Variants in RIOK2 observed in about 807,000 individuals in gnomAD.
RIOK2 encodes the protein RIO kinase 2.
A neutral mutation model predicts 62.4 loss-of-function variants in RIOK2; 46 were observed. That is an observed-to-expected ratio of 0.74 (90% CI 0.58 to 0.94). RIOK2 has a LOEUF of 0.94. RIOK2 is among the 40% of genes least tolerant of loss of function. The pLI is 0.00. For synonymous variants in RIOK2, 197 were observed against 216.0 expected, an observed-to-expected ratio of 0.91 and a Z score of 0.77; for missense variants, 574 against 658.0, an observed-to-expected ratio of 0.87 and a Z score of 1.40.
chr5:97,166,757 AAG>A (rs1191451757), intron 8 of RIOK2: 19 of 986,116 alleles, frequency 1.9e-5, no homozygotes, highest in Non-Finnish European at 1.9e-5. Flanking sequence ...TTCATATAGA[AAG>A]TACATTTATT....
chr5:97,163,419 G>A (rs1243989241), intron 9 of RIOK2, among the ~76,000 whole-genome samples, 194 bp from the exon 10 acceptor site: 1 of 152,120 alleles, frequency 6.6e-6, no homozygotes. Flanking sequence ...AAAATATAGT[G>A]TATAGGCAGA....
intron 2 of RIOK2, 76 bp downstream of exon 2, chr5:97,178,979 T>G: frequency 2.6e-6 from 4 of 1,560,332 alleles, no homozygotes; most frequent in Non-Finnish European, 3.5e-6. Context: ...AACTTCTACT[T>G]CTTGACTTTT....
In RIOK2 at chr5:97,166,452, C is replaced by G. The variant is rs1425783778; in HGVS notation, c.1397+1015G>C. ...GATAAAGGTAGGCTTAAGATATAAGCCCAAACATGTACTGAAAAATGTTTA... is the reference window on the plus strand; with the variant it reads ...GATAAAGGTAGGCTTAAGATATAAGGCCAAACATGTACTGAAAAATGTTTA... On this transcript the variant is annotated intron_variant, in intron 8 of 9. Coordinates refer to ENST00000283109, the MANE Select transcript of RIOK2 (RefSeq NM_018343.3). 4 of 284,104 alleles carry G rather than the reference C, an allele frequency of 1.4e-5. No individual in the cohort carries two copies. In the East Asian group the frequency reaches 3.8e-4, roughly 27 times the overall value. 17.6% of individuals were successfully genotyped at this position (284,104 alleles called of 1,614,324 possible). A position where few individuals can be genotyped will look rare whatever the true frequency, so the allele number is the denominator to read the frequency against.
At position 97,171,313 on chromosome 5, in the gene RIOK2, C is replaced by T. The variant is rs10055896; in HGVS notation, c.672G>A (p.Leu224=). The change falls in exon 6 of 10, where the codon CTG becomes CTA. Residue 224 remains leucine, a synonymous_variant. Transcript: ENST00000283109. ...ELIVKLANHG[L]IHGDFNEFNL... The stretch of plus-strand genomic sequence containing the variant: ...TAAATTCATTAAAATCTCCATGAAT[C>T]AGCCCATGATTTGCAAGTTTGACAA... The T allele has an allele frequency of 4.7e-3, 7,606 of 1,609,172 alleles. 313 individuals are homozygous for T. In the African/African-American group the frequency reaches 0.089, roughly 19 times the overall value.
rs542549582 is a variant in RIOK2 at position 97,174,216 on chromosome 5, C to T, written c.499-953G>A. On this transcript the variant is annotated intron_variant, in intron 4 of 9. Coordinates refer to ENST00000283109, the MANE Select transcript of RIOK2 (RefSeq NM_018343.3). ...GGTGGATCAGTTGAGGTCAGGAGTT[C>T]GACACCAGCCTGCCAGCATGGTGAA... 5.3e-5 allele frequency among the ~76,000 whole-genome samples: 8 copies of T among 151,996 alleles called. 1 individual carries two copies. In the East Asian group the frequency reaches 7.8e-4, roughly 15 times the overall value.
At chr5:97,167,257 T>C in intron 8 of RIOK2, 1 of 1,419,104 alleles carries the variant, frequency 7.0e-7, no homozygotes, top group Non-Finnish European at 9.2e-7. Flanking sequence ...TACTTGAAAT[T>C]TAGTCAATAG....
At chr5:97,178,451 G>A (rs1471227406) in intron 2 of RIOK2, among the ~76,000 whole-genome samples, 1 of 138,738 alleles carries the variant, frequency 7.2e-6, no homozygotes, top group Non-Finnish European at 1.6e-5. Flanking sequence ...TTGCTCTTCT[G>A]CAGTACCTAC....
rs1372669550 is a variant in RIOK2 at position 97,166,788 on chromosome 5, A to G, written c.1397+679T>C. On this transcript the variant is annotated intron_variant, in intron 8 of 9. Transcript: ENST00000283109. ...ATTTATTGCATGTTTTAATATTTAC[A>G]TGCCTTTACATAACTCAAACACACA... 6 of 986,962 alleles carry G rather than the reference A, an allele frequency of 6.1e-6. No individual in the cohort carries two copies. In the African/African-American group the frequency reaches 8.7e-5, roughly 14 times the overall value. 61.1% of individuals were successfully genotyped at this position (986,962 alleles called of 1,614,324 possible). A position where few individuals can be genotyped will look rare whatever the true frequency, so the allele number is the denominator to read the frequency against.
At chr5:97,182,954 A>C in intron 1 of RIOK2, 172 bp downstream of exon 1, 1 of 771,692 alleles carries the variant, frequency 1.3e-6, no homozygotes, top group Non-Finnish European at 2.3e-6. Context: ...TAAGCTCCCA[A>C]ACAAAACCTT....
chr5:97,170,794 C>T (rs1277378378), intron 6 of RIOK2, among the ~76,000 whole-genome samples: 2 of 152,106 alleles, frequency 1.3e-5, no homozygotes, highest in African/African-American at 4.8e-5. Flanking sequence ...AATAGTATCA[C>T]AAAATTGAAA....
intron 4 of RIOK2, among the ~76,000 whole-genome samples, chr5:97,174,567 G>C (rs1430988100): frequency 6.6e-6 from 1 of 151,932 alleles, no homozygotes; most frequent in African/African-American, 2.4e-5. Context: ...ACGCAGTCAG[G>C]ACAGTCACCT....
intron 7 of RIOK2, 86 bp from the exon 8 acceptor site, chr5:97,168,077 A>T (rs1268754211): frequency 7.4e-7 from 1 of 1,357,074 alleles, no homozygotes; most frequent in African/African-American, 1.5e-5. Flanking sequence ...ATAAATTATG[A>T]TTCAAGTGAG....
chr5:97,179,052 T>C lies in RIOK2; in HGVS notation c.205+3A>G. 1.2e-6 allele frequency: 2 copies of C among 1,613,810 alleles called. No homozygotes were observed. Among genetic ancestry groups the C allele is most frequent in the Non-Finnish European group, 8.5e-7 (1 of 1,179,882 alleles). Reference sequence around the variant, plus strand: ...ATCACAAATGGTGCCTCAAAATACTTACTTTTGGTACGCTCCCAAGCTATG... The same window carrying C: ...ATCACAAATGGTGCCTCAAAATACTCACTTTTGGTACGCTCCCAAGCTATG... On this transcript the variant is annotated splice_donor_region_variant and intron_variant, in intron 2 of 9. Transcript: ENST00000283109.
intron 6 of RIOK2, among the ~76,000 whole-genome samples, chr5:97,170,365 G>T (rs1031026991): frequency 4.6e-5 from 7 of 152,122 alleles, no homozygotes; most frequent in African/African-American, 1.4e-4. Context: ...AGTTTTATGT[G>T]ATTTTTTTTC....
At position 97,179,140 on chromosome 5, in the gene RIOK2, A is replaced by T; in HGVS notation, c.120T>A (p.Ser40=). Residue 40 remains serine, a synonymous_variant, in exon 2 of 10, where the codon TCT becomes TCA. Coordinates refer to ENST00000283109, the MANE Select transcript of RIOK2 (RefSeq NM_018343.3). The part of the protein sequence containing the change: ...HEIVPGSLIA[S]IASLKHGGCN... ...AGCCACCATGTTTAAGGCTGGCTATAGAAGCAATCAAACTGCCGGGAACAA... is the reference window on the plus strand; with the variant it reads ...AGCCACCATGTTTAAGGCTGGCTATTGAAGCAATCAAACTGCCGGGAACAA... 1 of 1,613,972 alleles carries T rather than the reference A, an allele frequency of 6.2e-7. No individual in the cohort carries two copies. The highest frequency in any genetic ancestry group is 8.5e-7 in the Non-Finnish European group (1 of 1,179,922).
At chr5:97,168,455 GA>G (rs1748906782) in intron 7 of RIOK2, among the ~76,000 whole-genome samples, 2 of 152,280 alleles carry the variant, frequency 1.3e-5, no homozygotes, top group East Asian at 3.9e-4. Flanking sequence ...AAATTTCAAT[GA>G]ATGTTTGGTG....
rs1358217935 is a variant in RIOK2, at chr5:97,180,136, A to ATATG, written c.67-944_67-943insCATA. On this transcript the variant is annotated intron_variant, in intron 1 of 9. Coordinates refer to ENST00000283109, the MANE Select transcript of RIOK2 (RefSeq NM_018343.3). ...TCTGCATGTGTATATGTATATATAT[A>ATATG]TATATGTATATATATATATATATAT... Among the ~76,000 whole-genome samples the ATATG allele has an allele frequency of 1.1e-3, 40 of 36,196 alleles. 2 individuals are homozygous for ATATG. Among genetic ancestry groups the ATATG allele is most frequent in the African/African-American group, 2.8e-3 (36 of 12,966 alleles). The allele number at this position is 36,196 out of a possible 152,430, so 23.7% of individuals were successfully genotyped here. A position where few individuals can be genotyped will look rare whatever the true frequency, so the allele number is the denominator to read the frequency against.
At chr5:97,172,822 T>C (rs1249948334) in intron 5 of RIOK2, among the ~76,000 whole-genome samples, 1 of 152,236 alleles carries the variant, frequency 6.6e-6, no homozygotes, top group African/African-American at 2.4e-5. Flanking sequence ...TTTTTATCCA[T>C]AGTACTTACT....
At chr5:97,180,476 A>G (rs1486138917) in intron 1 of RIOK2, among the ~76,000 whole-genome samples, 1 of 152,106 alleles carries the variant, frequency 6.6e-6, no homozygotes, top group Admixed American at 6.5e-5. Flanking sequence ...ATGGGATAGC[A>G]TATAGAATTC....
Sources: gnomAD v4.1 joint callset for allele counts (sites outside exome capture counted in the v4.1 genomes callset) on GRCh38, gnomAD v4.1.1 for gene constraint, MANE v1.5 for transcripts, NCBI Gene and HGNC (gene_info 2026-07-23, HGNC 2026-07-21) for gene names.